The following NKAIN3 variants were observed in gnomAD, a reference collection of about 807,000 sequenced individuals.
The protein encoded by NKAIN3 is sodium/potassium-transporting ATPase subunit beta-1-interacting protein 3.
Under a neutral mutation model 30.2 loss-of-function variants are expected in NKAIN3, and 25 were observed. The ratio of observed to expected loss-of-function variants is 0.83; its 90% confidence interval spans 0.60 to 1.16. The LOEUF is 1.16. Among genes scored for constraint, NKAIN3 ranks in the 50% most tolerant of loss-of-function variants. NKAIN3 has a pLI of 0.00. For missense variants in NKAIN3, 225 were observed against 254.1 expected, an observed-to-expected ratio of 0.89 and a Z score of 0.78; for synonymous variants, 91 against 89.6, an observed-to-expected ratio of 1.02 and a Z score of -0.09.
intron 1 of NKAIN3, among the ~76,000 whole-genome samples, chr8:62,254,384 C>G (rs1181182999): frequency 1.3e-5 from 2 of 151,902 alleles, no homozygotes; most frequent in Non-Finnish European, 2.9e-5. Flanking sequence ...GATGAGATCA[C>G]CTTGGGAGAG....
intron 1 of NKAIN3, among the ~76,000 whole-genome samples, chr8:62,439,110 A>G (rs1392531338): frequency 3.3e-5 from 5 of 152,202 alleles, no homozygotes; most frequent in African/African-American, 1.2e-4. Flanking sequence ...ATCACCAGAT[A>G]GCTCTTGAAA....
intron 3 of NKAIN3, among the ~76,000 whole-genome samples, chr8:62,724,032 T>C (rs1815179794): frequency 6.6e-6 from 1 of 152,098 alleles, no homozygotes; most frequent in African/African-American, 2.4e-5. Flanking sequence ...AATGATTTCT[T>C]GAGTTATTGG....
chr8:62,886,434 T>G (rs1401754510), intron 4 of NKAIN3, among the ~76,000 whole-genome samples: 1 of 152,126 alleles, frequency 6.6e-6, no homozygotes, highest in Non-Finnish European at 1.5e-5. Flanking sequence ...AATGTTTATT[T>G]TATCTTCACT....
At chr8:62,418,540 C>T (rs1804528121) in intron 1 of NKAIN3, among the ~76,000 whole-genome samples, 1 of 152,086 alleles carries the variant, frequency 6.6e-6, no homozygotes, top group African/African-American at 2.4e-5. Flanking sequence ...TTTGCGATCT[C>T]CCCTTTCTAC....
At chr8:62,911,975 G>T (rs1821936142) in intron 4 of NKAIN3, among the ~76,000 whole-genome samples, 1 of 152,124 alleles carries the variant, frequency 6.6e-6, no homozygotes, top group Non-Finnish European at 1.5e-5. Flanking sequence ...AAGGTCATAT[G>T]TCACTTAACT....
intron 4 of NKAIN3, among the ~76,000 whole-genome samples, chr8:62,792,740 G>A (rs1032335190): frequency 6.6e-6 from 1 of 152,052 alleles, no homozygotes; most frequent in South Asian, 2.1e-4. Context: ...AATAAGTCTT[G>A]AAAGATGAAT....
At chr8:62,774,766 G>T (rs1248880315) in intron 4 of NKAIN3, among the ~76,000 whole-genome samples, 1 of 152,116 alleles carries the variant, frequency 6.6e-6, no homozygotes, top group Admixed American at 6.6e-5. Context: ...ACTTGGTTAT[G>T]ATGAGAGATC....
intron 1 of NKAIN3, among the ~76,000 whole-genome samples, chr8:62,437,929 C>A (rs1393957080): frequency 6.6e-6 from 1 of 152,130 alleles, no homozygotes; most frequent in Non-Finnish European, 1.5e-5. Context: ...GAAAATATAG[C>A]AGAGGTTTAA....
chr8:62,807,507 T>C (rs1818334501), intron 4 of NKAIN3, among the ~76,000 whole-genome samples: 1 of 151,716 alleles, frequency 6.6e-6, no homozygotes, highest in Admixed American at 6.6e-5. Context: ...TTTCTGCTAG[T>C]TAAAGATTAT....
chr8:62,606,912 A>G (rs1811148017), intron 3 of NKAIN3, among the ~76,000 whole-genome samples: 1 of 152,166 alleles, frequency 6.6e-6, no homozygotes, highest in Non-Finnish European at 1.5e-5. Context: ...CAGTGGGTGT[A>G]GTTATTTCCT....
chr8:62,934,395 AG>A (rs1822720737), intron 5 of NKAIN3, among the ~76,000 whole-genome samples: 1 of 151,860 alleles, frequency 6.6e-6, no homozygotes, highest in Admixed American at 6.6e-5. Context: ...AAAAAAATGC[AG>A]ACTAAAGTAA....
intron 5 of NKAIN3, among the ~76,000 whole-genome samples, chr8:62,947,044 A>G (rs1823144313): frequency 6.6e-6 from 1 of 152,186 alleles, no homozygotes; most frequent in Admixed American, 6.5e-5. Context: ...GCAAAGGCAA[A>G]AGTCTCAATC....
intron 6 of NKAIN3, among the ~76,000 whole-genome samples, chr8:62,963,484 G>T (rs1257151080): frequency 6.6e-6 from 1 of 152,120 alleles, no homozygotes; most frequent in Non-Finnish European, 1.5e-5. Context: ...ATACCTACAA[G>T]TTCCCCCAAA....
At chr8:62,265,617 G>A (rs1339019694) in intron 1 of NKAIN3, among the ~76,000 whole-genome samples, 1 of 152,076 alleles carries the variant, frequency 6.6e-6, no homozygotes, top group Non-Finnish European at 1.5e-5. Context: ...TTTTATTTGT[G>A]TCTTCAAGCC....
chr8:62,516,036 A>G (rs535692438), intron 1 of NKAIN3, among the ~76,000 whole-genome samples: 5 of 152,236 alleles, frequency 3.3e-5, no homozygotes, highest in African/African-American at 1.2e-4. Context: ...GTTGAACAAA[A>G]AGCCCCATTT....
intron 5 of NKAIN3, among the ~76,000 whole-genome samples, chr8:62,995,741 A>C (rs1424152023): frequency 1.3e-5 from 2 of 152,254 alleles, no homozygotes; most frequent in African/African-American, 4.8e-5. Flanking sequence ...GTAAATCAAA[A>C]CATCAAGTTG....
intron 4 of NKAIN3, among the ~76,000 whole-genome samples, chr8:62,798,755 G>A (rs1188853086): frequency 6.6e-6 from 1 of 152,100 alleles, no homozygotes; most frequent in Admixed American, 6.6e-5. Context: ...CAGTTTGTGG[G>A]CATTTTGTTT....
At chr8:62,611,438 T>A (rs995647883) in intron 3 of NKAIN3, among the ~76,000 whole-genome samples, 1 of 152,122 alleles carries the variant, frequency 6.6e-6, no homozygotes, top group African/African-American at 2.4e-5. Flanking sequence ...CCATCCCCAC[T>A]TCCCCCCATC....
intron 1 of NKAIN3, among the ~76,000 whole-genome samples, chr8:62,450,405 T>C (rs1805605881): frequency 6.6e-6 from 1 of 152,116 alleles, no homozygotes; most frequent in South Asian, 2.1e-4. Context: ...ACTTCAAACC[T>C]GCTAAAAATT....
Sources: gnomAD v4.1 joint callset for allele counts (sites outside exome capture counted in the v4.1 genomes callset) on GRCh38, gnomAD v4.1.1 for gene constraint, MANE v1.5 for transcripts, NCBI Gene and HGNC (gene_info 2026-07-23, HGNC 2026-07-21) for gene names.